Variants in CHSY3 observed in about 807,000 individuals in gnomAD.
CHSY3 encodes chondroitin sulfate synthase 3.
In CHSY3, 35 loss-of-function variants were observed where a neutral mutation model predicts 67.2. The observed-to-expected ratio is 0.52, with a 90% CI of 0.40 to 0.69. The LOEUF (loss-of-function observed/expected upper bound fraction) is 0.69, where lower values mean the gene tolerates loss of function less well. Ranked by LOEUF, CHSY3 falls within the 30% of genes least tolerant of loss-of-function variation. The probability of loss-of-function intolerance (pLI) is 0.00; values close to 1 mark genes in which losing one functional copy is unlikely to be tolerated. For synonymous variants in CHSY3, 474 were observed against 434.7 expected (o/e 1.09, Z -1.12); for missense variants, 1,069 against 1,138.5 (o/e 0.94, Z 0.88).
chr5:130,014,722 A>T (rs1231675135), intron 2 of CHSY3, among the ~76,000 whole-genome samples: 1 of 152,210 alleles, frequency 6.6e-6, no homozygotes, highest in Non-Finnish European at 1.5e-5. Context: ...GGGATTAAAG[A>T]TGTAAATGAA....
chr5:130,092,992 G>A (rs1348578060), intron 2 of CHSY3, among the ~76,000 whole-genome samples: 1 of 152,126 alleles, frequency 6.6e-6, no homozygotes, highest in African/African-American at 2.4e-5. Flanking sequence ...CCATCTGGGA[G>A]GCCTCATGGT....
At chr5:130,140,935 A>G in intron 2 of CHSY3, 1 of 870,514 alleles carries the variant, frequency 1.1e-6, no homozygotes, top group Non-Finnish European at 1.4e-6. Flanking sequence ...TATTTGAAGA[A>G]TTGAATGCTT....
intron 2 of CHSY3, among the ~76,000 whole-genome samples, chr5:129,956,442 G>C (rs1401425071): frequency 6.6e-6 from 1 of 152,042 alleles, no homozygotes; most frequent in Non-Finnish European, 1.5e-5. Flanking sequence ...GTTCCTTATA[G>C]ATGCTGAATA....
chr5:130,009,534 T>C (rs1293869942), intron 2 of CHSY3, among the ~76,000 whole-genome samples: 3 of 150,144 alleles, frequency 2.0e-5, no homozygotes. Context: ...AAGAAAAAAG[T>C]AAAACCACTC....
At chr5:129,954,913 G>T (rs2149603554) in intron 2 of CHSY3, among the ~76,000 whole-genome samples, 1 of 152,232 alleles carries the variant, frequency 6.6e-6, no homozygotes, top group South Asian at 2.1e-4. Context: ...CTGCCACCCA[G>T]GCTGCAGTGC....
At chr5:130,008,054 G>A (rs1195588878) in intron 2 of CHSY3, among the ~76,000 whole-genome samples, 2 of 152,156 alleles carry the variant, frequency 1.3e-5, no homozygotes, top group South Asian at 2.1e-4. Context: ...GCCAGCATGC[G>A]TTCATCTGCA....
At chr5:129,969,080 T>C (rs1005695109) in intron 2 of CHSY3, among the ~76,000 whole-genome samples, 7 of 151,896 alleles carry the variant, frequency 4.6e-5, no homozygotes, top group Non-Finnish European at 1.0e-4. Flanking sequence ...TACTGGTATA[T>C]ATTTTACAGC....
chr5:130,182,204 G>A lies in CHSY3; in HGVS notation c.1087-2025G>A, dbSNP rs73788435. Among the ~76,000 whole-genome samples the A allele has an allele frequency of 3.7e-3, 569 of 152,036 alleles. 2 individuals carry two copies. The highest frequency in any genetic ancestry group is 0.011 in the African/African-American group (467 of 41,478). On this transcript the variant is annotated intron_variant, in intron 2 of 2. Coordinates refer to ENST00000305031, the MANE Select transcript of CHSY3 (RefSeq NM_175856.5). ...ATCTGTTTTTTTGTGGATCCATCAC[G>A]TTATCCCATAGTAATTTTAAGTTGC...
rs543151407 is a variant in CHSY3, at chr5:129,912,884, T to C, written c.1086+4524T>C. On this transcript the variant is annotated intron_variant, in intron 2 of 2. Coordinates refer to ENST00000305031, the MANE Select transcript of CHSY3 (RefSeq NM_175856.5). ...ATTGAGGCATCTTGTTTTAAGGCCATATGGCAGATGTTAATAACCAACAGA... is the reference window on the plus strand; with the variant it reads ...ATTGAGGCATCTTGTTTTAAGGCCACATGGCAGATGTTAATAACCAACAGA... Among the ~76,000 whole-genome samples the C allele has an allele frequency of 6.4e-4, 97 of 152,322 alleles. 2 individuals are homozygous for C. The highest frequency in any genetic ancestry group is 6.3e-3 in the Admixed American group (97 of 15,296).
At chr5:130,080,635 G>T (rs759165693) in intron 2 of CHSY3, among the ~76,000 whole-genome samples, 4 of 152,042 alleles carry the variant, frequency 2.6e-5, no homozygotes, top group Non-Finnish European at 4.4e-5. Context: ...CTTTTAAAAA[G>T]ACTATCTTCA....
intron 2 of CHSY3, among the ~76,000 whole-genome samples, chr5:130,125,416 C>CAGATAGATAGATATAT (rs376939367): frequency 3.1e-4 from 44 of 140,994 alleles, no homozygotes; most frequent in African/African-American, 1.2e-3. Flanking sequence ...GATCCTGTCT[C>CAGATAGATAGATATAT]AGATAGATAG....
At chr5:130,161,727 C>T (rs1769549590) in intron 2 of CHSY3, among the ~76,000 whole-genome samples, 1 of 151,952 alleles carries the variant, frequency 6.6e-6, no homozygotes, top group Non-Finnish European at 1.5e-5. Flanking sequence ...TTGACTTCTT[C>T]ACTTCAAAAA....
At chr5:130,176,071 A>G (rs952472820) in intron 2 of CHSY3, among the ~76,000 whole-genome samples, 6 of 152,338 alleles carry the variant, frequency 3.9e-5, no homozygotes, top group Admixed American at 3.9e-4. Flanking sequence ...GGCAACCTAC[A>G]GAATGGGAGA....
chr5:130,130,233 T>C (rs1268030578), intron 2 of CHSY3, among the ~76,000 whole-genome samples: 1 of 152,154 alleles, frequency 6.6e-6, no homozygotes, highest in Non-Finnish European at 1.5e-5. Flanking sequence ...CTATTTTTCT[T>C]CCCTGACATC....
At chr5:129,998,181 A>G (rs1388534736) in intron 2 of CHSY3, among the ~76,000 whole-genome samples, 1 of 152,072 alleles carries the variant, frequency 6.6e-6, no homozygotes, top group Non-Finnish European at 1.5e-5. Context: ...GTTGAGAAAC[A>G]TTTCACTTTT....
chr5:130,140,736 A>ATT, intron 2 of CHSY3: 2 of 264,116 alleles, frequency 7.6e-6, no homozygotes, highest in South Asian at 1.3e-4. Context: ...ATGGTTAACC[A>ATT]TTTTATTACT....
At chr5:130,095,083 A>AT (rs1402052413) in intron 2 of CHSY3, among the ~76,000 whole-genome samples, 2 of 152,096 alleles carry the variant, frequency 1.3e-5, no homozygotes, top group Non-Finnish European at 2.9e-5. Context: ...CTATAATTAT[A>AT]TATACATACA....
intron 2 of CHSY3, among the ~76,000 whole-genome samples, chr5:130,092,222 T>C (rs897430093): frequency 5.9e-5 from 9 of 152,174 alleles, no homozygotes; most frequent in African/African-American, 2.2e-4. Flanking sequence ...AAATTCCTCA[T>C]GTGTGACATG....
intron 2 of CHSY3, among the ~76,000 whole-genome samples, chr5:130,149,476 A>G (rs1200019218): frequency 6.6e-6 from 1 of 152,174 alleles, no homozygotes; most frequent in Admixed American, 6.6e-5. Flanking sequence ...TTAAAAGACC[A>G]GATCTTGCAT....
Sources: allele counts gnomAD v4.1 joint callset (sites outside exome capture counted in the v4.1 genomes callset), GRCh38; gene constraint gnomAD v4.1.1; transcripts MANE v1.5; gene names NCBI Gene and HGNC (gene_info 2026-07-23, HGNC 2026-07-21).